ANKRD34C: variants seen among roughly 807,000 people sequenced by gnomAD.
ANKRD34C encodes the protein ankyrin repeat domain-containing protein 34C.
For synonymous variants in ANKRD34C, 260 were observed against 253.6 expected (o/e 1.03, Z -0.24); for missense variants, 563 against 653.0 (o/e 0.86, Z 1.50).
At chr15:79,286,974 C>T (rs1468850790) in intron 1 of ANKRD34C, among the ~76,000 whole-genome samples, 1 of 152,180 alleles carries the variant, frequency 6.6e-6, no homozygotes, top group Non-Finnish European at 1.5e-5. Context: ...GTACTTACTC[C>T]TAAGTGTAAT....
intron 1 of ANKRD34C, among the ~76,000 whole-genome samples, chr15:79,289,689 C>T (rs911965407): frequency 2.0e-5 from 3 of 152,190 alleles, no homozygotes; most frequent in African/African-American, 2.4e-5. Context: ...TTTCCTTCTC[C>T]TTTTTCTCTT....
chr15:79,289,354 T>A (rs2141201356), intron 1 of ANKRD34C, among the ~76,000 whole-genome samples: 1 of 152,270 alleles, frequency 6.6e-6, no homozygotes, highest in East Asian at 1.9e-4. Flanking sequence ...TGCCTATTGG[T>A]GGGCTAGATA....
At chr15:79,290,069 G>A (rs2058655390) in intron 1 of ANKRD34C, among the ~76,000 whole-genome samples, 1 of 152,000 alleles carries the variant, frequency 6.6e-6, no homozygotes, top group African/African-American at 2.4e-5. Flanking sequence ...CTCTCACCCA[G>A]GCTGGAGTGC....
chr15:79,293,213 C>T (rs1467235820), intron 1 of ANKRD34C, 28 bp from the exon 2 acceptor site: 31 of 1,394,022 alleles, frequency 2.2e-5, no homozygotes, highest in Non-Finnish European at 2.8e-5. Flanking sequence ...AAACATATAA[C>T]ATTTGTTCCC....
Position 79,293,428 on chromosome 15 carries a change from C to G in ANKRD34C, c.144C>G (p.Leu48=). ...NESNDKGETA[L]MVACITKHVD... Reference sequence around the variant, plus strand: ...GCAATGACAAAGGCGAAACAGCTCTCATGGTGGCGTGCATCACCAAACATG... The same window carrying G: ...GCAATGACAAAGGCGAAACAGCTCTGATGGTGGCGTGCATCACCAAACATG... Residue 48 remains leucine (L), a synonymous_variant, in exon 2 of 2, where the codon CTC becomes CTG. Coordinates refer to ENST00000421388, the MANE Select transcript of ANKRD34C (RefSeq NM_001146341.2). 1 of 1,551,728 alleles carries G rather than the reference C, an allele frequency of 6.4e-7. No individual in the cohort carries two copies. Among genetic ancestry groups the G allele is most frequent in the Non-Finnish European group, 8.7e-7 (1 of 1,147,006 alleles).
chr15:79,294,563 C>T lies in ANKRD34C; in HGVS notation c.1279C>T (p.Pro427Ser). The T allele has an allele frequency of 6.4e-7, 1 of 1,551,668 alleles. No homozygotes were observed. The highest frequency in any genetic ancestry group is 8.7e-7 in the Non-Finnish European group (1 of 1,146,982). ...CTCTCGGGAGTCCCTGGACACTGTA[C>T]CTAGCACATCCCCCAGCTCAGCACG... ...HGSRESLDTV[P>S]STSPSSARRR... is the part of the protein sequence containing the mutation. The change falls in exon 2 of 2, where the codon CCT becomes TCT. Residue 427 changes from proline to serine, a missense_variant. Physicochemically the swap from Pro to Ser is moderately conservative, Grantham distance 74. Transcript: ENST00000421388.
rs1291789890 is a variant in ANKRD34C at position 79,296,811 on chromosome 15, G to A, written c.*1919G>A. ...AAAATGTCTCTAGACGTGGCCAGATGTCTCCTGGGTGCATCACCTTCGTTG... is the reference window on the plus strand; with the variant it reads ...AAAATGTCTCTAGACGTGGCCAGATATCTCCTGGGTGCATCACCTTCGTTG... On this transcript the variant is annotated 3_prime_UTR_variant, in exon 2 of 2. Transcript: ENST00000421388. 1 of 167,094 alleles carries A rather than the reference G, an allele frequency of 6.0e-6. No homozygotes were observed. Among genetic ancestry groups the A allele is most frequent in the Non-Finnish European group, 1.5e-5 (1 of 68,142 alleles). 10.4% of individuals were successfully genotyped at this position (167,094 alleles called of 1,614,324 possible).
Position 79,294,061 on chromosome 15 carries a change from G to T in ANKRD34C, c.777G>T (p.Ala259=), listed in dbSNP as rs529256936. The T allele has an allele frequency of 2.6e-5, 41 of 1,551,448 alleles. No homozygotes were observed. Among genetic ancestry groups the T allele is most frequent in the Non-Finnish European group, 3.5e-5 (40 of 1,146,994 alleles). ...AGTCTGAACCTTGGGGCCTGATAGC[G>T]CCCTCGGTGCTGGCAGCCTCGACGC... The part of the protein sequence containing the change: ...RLQSEPWGLI[A]PSVLAASTRQ... The change falls in exon 2 of 2, where the codon GCG becomes GCT. Residue 259 remains alanine, a synonymous_variant. Coordinates refer to ENST00000421388, the MANE Select transcript of ANKRD34C (RefSeq NM_001146341.2).
rs573132873 is a variant in ANKRD34C, at chr15:79,292,233, G to A, written c.-44-1008G>A. On this transcript the variant is annotated intron_variant, in intron 1 of 1. Transcript: ENST00000421388. ...GTGCTGGCAGAGACATGGCCAATGT[G>A]GTACCCGTGGGCTGGCAGGGCATCA... Among the ~76,000 whole-genome samples, 579 of 152,264 alleles carry A rather than the reference G, an allele frequency of 3.8e-3. 3 individuals carry two copies. The highest frequency in any genetic ancestry group is 0.014 in the African/African-American group (567 of 41,554).
chr15:79,285,340 A>G (rs2058640498), intron 1 of ANKRD34C, among the ~76,000 whole-genome samples: 1 of 152,204 alleles, frequency 6.6e-6, no homozygotes, highest in Non-Finnish European at 1.5e-5. Flanking sequence ...CACTGTGCCA[A>G]ACAAGGGATG....
chr15:79,286,293 G>C (rs545789128), intron 1 of ANKRD34C, among the ~76,000 whole-genome samples: 1 of 152,108 alleles, frequency 6.6e-6, no homozygotes, highest in East Asian at 1.9e-4. Flanking sequence ...GGCAAACTTT[G>C]CTCTCTTCTC....
chr15:79,294,443 G>T lies in ANKRD34C; in HGVS notation c.1159G>T (p.Gly387Trp). The change falls in exon 2 of 2, where the codon GGG (glycine) becomes TGG (tryptophan). Residue 387 changes from glycine (G) to tryptophan (W), a missense_variant. By Grantham distance (184) the Gly-to-Trp change is radical. Coordinates refer to ENST00000421388, the MANE Select transcript of ANKRD34C (RefSeq NM_001146341.2). ...CCTCTATGACTTAGATATACAGCCA[G>T]GGCCTGACCCTCCCAACTCCATTTC... ...NDLYDLDIQP[G>W]PDPPNSISLE... The T allele has an allele frequency of 6.4e-7, 1 of 1,551,686 alleles. No individual in the cohort carries two copies. The highest frequency in any genetic ancestry group is 8.7e-7 in the Non-Finnish European group (1 of 1,146,976).
rs1161496301 is a variant in ANKRD34C at position 79,294,617 on chromosome 15, C to G, written c.1333C>G (p.Arg445Gly). The G allele has an allele frequency of 6.4e-7, 1 of 1,551,600 alleles. No homozygotes were observed. The highest frequency in any genetic ancestry group is 1.4e-5 in the African/African-American group (1 of 73,044). The change falls in exon 2 of 2, where the codon CGA (arginine) becomes GGA (glycine). Residue 445 changes from arginine to glycine, a missense_variant. Transcript: ENST00000421388. ...CAGGCCGCCACATCTTCTAGAACGA[C>G]GAGGTTCTGGAACTCTGCTCCTTGA... is the stretch of plus-strand genomic sequence containing the variant. ...RRRPPHLLER[R>G]GSGTLLLDRI...
chr15:79,293,192 G>A, intron 1 of ANKRD34C, 49 bp from the exon 2 acceptor site: 1 of 1,303,010 alleles, frequency 7.7e-7, no homozygotes, highest in African/African-American at 1.5e-5. Context: ...ATGCTGCACA[G>A]ATCTGTTATA....
rs1372738681 is a variant in ANKRD34C at position 79,296,057 on chromosome 15, T to A, written c.*1165T>A. On this transcript the variant is annotated 3_prime_UTR_variant, in exon 2 of 2. Coordinates refer to ENST00000421388, the MANE Select transcript of ANKRD34C (RefSeq NM_001146341.2). ...GCACATTTGGTATAATGTAGCCACA[T>A]CTTAGATGAATATATTTTTGGTTAT... 6.0e-6 allele frequency: 1 copy of A among 167,110 alleles called. No homozygotes were observed. The highest frequency in any genetic ancestry group is 1.9e-4 in the East Asian group (1 of 5,210). The allele number at this position is 167,110 out of a possible 1,614,324, so 10.4% of individuals were successfully genotyped here. A position where few individuals can be genotyped will look rare whatever the true frequency, so the allele number is the denominator to read the frequency against.
intron 1 of ANKRD34C, chr15:79,283,652 C>A (rs1175522175): frequency 6.6e-6 from 1 of 152,210 alleles, no homozygotes; most frequent in African/African-American, 2.4e-5. Flanking sequence ...CACTTACCGC[C>A]CTGGTTTCAC....
chr15:79,287,603 G>T (rs2058648681), intron 1 of ANKRD34C, among the ~76,000 whole-genome samples: 1 of 152,164 alleles, frequency 6.6e-6, no homozygotes, highest in African/African-American at 2.4e-5. Flanking sequence ...AGCAAGTAAT[G>T]CCAGTGTTTA....
Position 79,294,149 on chromosome 15 carries a change from T to A in ANKRD34C, c.865T>A (p.Ser289Thr). 1 of 1,551,436 alleles carries A rather than the reference T, an allele frequency of 6.4e-7. No individual in the cohort carries two copies. The highest frequency in any genetic ancestry group is 8.7e-7 in the Non-Finnish European group (1 of 1,146,994). The change falls in exon 2 of 2, where the codon TCC becomes ACC. Residue 289 changes from serine to threonine, a missense_variant. Coordinates refer to ENST00000421388, the MANE Select transcript of ANKRD34C (RefSeq NM_001146341.2). ...NEVIKSISDI[S>T]FPKRGPLSRT... ...GGTCATCAAGAGCATCAGTGATATA[T>A]CCTTCCCTAAAAGGGGGCCCCTCTC...
At chr15:79,283,625 A>C (rs2058635202) in intron 1 of ANKRD34C, 1 of 152,226 alleles carries the variant, frequency 6.6e-6, no homozygotes, top group African/African-American at 2.4e-5. Flanking sequence ...AGCATTTCTG[A>C]GAAATGATGG....
Sources: gnomAD v4.1 joint callset for allele counts (sites outside exome capture counted in the v4.1 genomes callset) on GRCh38, gnomAD v4.1.1 for gene constraint, MANE v1.5 for transcripts, NCBI Gene and HGNC (gene_info 2026-07-23, HGNC 2026-07-21) for gene names.